Variants in SIPA1L1 observed in about 807,000 individuals in gnomAD.
SIPA1L1 encodes signal induced proliferation associated 1 like 1.
SIPA1L1 carries 26 observed loss-of-function variants against 162.7 expected under a neutral mutation model. That is an observed-to-expected ratio of 0.16 (90% CI 0.12 to 0.22). The LOEUF (loss-of-function observed/expected upper bound fraction) is 0.22, where lower values mean the gene tolerates loss of function less well. Among genes scored for constraint, SIPA1L1 ranks in the 10% least tolerant of loss-of-function variants. The pLI is 1.00. For missense variants in SIPA1L1, 1,874 were observed against 2,241.0 expected (o/e 0.84, Z 3.31); for synonymous variants, 829 against 837.4 (o/e 0.99, Z 0.17).
intron 4 of SIPA1L1, among the ~76,000 whole-genome samples, chr14:71,539,123 T>C (rs1158327412): frequency 1.3e-5 from 2 of 152,174 alleles, no homozygotes; most frequent in African/African-American, 4.8e-5. Context: ...TATAAAGCCA[T>C]GTGGTCTGTT....
intron 13 of SIPA1L1, among the ~76,000 whole-genome samples, chr14:71,690,677 G>A (rs1019139323): frequency 2.6e-5 from 4 of 151,446 alleles, no homozygotes; most frequent in African/African-American, 4.9e-5. Flanking sequence ...TTTTTGTATC[G>A]TCAGCTCTTT....
chr14:71,327,135 T>C (rs1271825064), intron 2 of SIPA1L1, among the ~76,000 whole-genome samples: 1 of 145,560 alleles, frequency 6.9e-6, no homozygotes, highest in Non-Finnish European at 1.5e-5. Flanking sequence ...CAGGCTGGAG[T>C]GCAGTGATGT....
At chr14:71,666,889 A>T (rs1373863356) in intron 10 of SIPA1L1, among the ~76,000 whole-genome samples, 1 of 151,568 alleles carries the variant, frequency 6.6e-6, no homozygotes, top group East Asian at 1.9e-4. Context: ...AAAAAAAAAA[A>T]AGAATTTGCA....
At chr14:71,474,636 G>C (rs2047709416) in intron 2 of SIPA1L1, among the ~76,000 whole-genome samples, 1 of 152,194 alleles carries the variant, frequency 6.6e-6, no homozygotes, top group Non-Finnish European at 1.5e-5. Context: ...CCCTGTCATT[G>C]TTCAGGTGAG....
intron 2 of SIPA1L1, among the ~76,000 whole-genome samples, chr14:71,441,385 G>A (rs906269734): frequency 1.3e-5 from 2 of 152,192 alleles, no homozygotes; most frequent in African/African-American, 4.8e-5. Context: ...CAGCTTCCTA[G>A]TGGCCTCTGT....
At chr14:71,661,645 A>G (rs1006907693) in intron 10 of SIPA1L1, among the ~76,000 whole-genome samples, 178 bp downstream of exon 10, 3 of 152,160 alleles carry the variant, frequency 2.0e-5, no homozygotes, top group African/African-American at 7.2e-5. Context: ...TGGCATTGAC[A>G]TTACCCAAGC....
chr14:71,684,466 C>G (rs1247483876), intron 12 of SIPA1L1, among the ~76,000 whole-genome samples: 1 of 152,268 alleles, frequency 6.6e-6, no homozygotes, highest in African/African-American at 2.4e-5. Context: ...GCCCTTTGGG[C>G]CTGCACTGTC....
intron 19 of SIPA1L1, among the ~76,000 whole-genome samples, chr14:71,729,311 C>T (rs912188300): frequency 1.3e-5 from 2 of 152,214 alleles, no homozygotes; most frequent in Non-Finnish European, 2.9e-5. Context: ...GCTGGGATTA[C>T]AGGCATGAGC....
rs1245910462 is a variant in SIPA1L1, at chr14:71,345,656, C to T, written c.-465+24475C>T. ...TGGCGCGATCTTGGCTCACTGCAAG[C>T]TCTGCCTCCCGAGTTCATGCCATTC... On this transcript the variant is annotated intron_variant, in intron 2 of 23. Coordinates refer to ENST00000381232, the MANE Select transcript of SIPA1L1 (RefSeq NM_001386936.1). 2.7e-5 allele frequency among the ~76,000 whole-genome samples: 4 copies of T among 150,638 alleles called. No homozygotes were observed. In the South Asian group the frequency reaches 8.4e-4, roughly 32 times the overall value.
intron 2 of SIPA1L1, chr14:71,330,293 T>G: frequency 1.4e-6 from 1 of 740,106 alleles, no homozygotes; most frequent in Non-Finnish European, 2.5e-6. Context: ...CTAGTTAGCA[T>G]GTTGTGGGAG....
intron 8 of SIPA1L1, 114 bp from the exon 9 acceptor site, chr14:71,658,219 C>A: frequency 1.6e-6 from 1 of 635,938 alleles, no homozygotes; most frequent in African/African-American, 1.9e-5. Context: ...TGTCTAGAAT[C>A]TTTTCATCCT....
At chr14:71,417,498 A>AAAAAAAAAAAAAAC (rs1157625899) in intron 2 of SIPA1L1, among the ~76,000 whole-genome samples, 2 of 146,492 alleles carry the variant, frequency 1.4e-5, no homozygotes, top group Non-Finnish European at 3.0e-5. Flanking sequence ...AAAAAAAAAA[A>AAAAAAAAAAAAAAC]AAAAAGAAAA....
chr14:71,708,450 A>G (rs1039240894), intron 16 of SIPA1L1, among the ~76,000 whole-genome samples: 2 of 151,476 alleles, frequency 1.3e-5, no homozygotes, highest in Non-Finnish European at 2.9e-5. Context: ...TCAGCCTCCT[A>G]TATAACTGGG....
chr14:71,740,491 A>G lies in SIPA1L1; in HGVS notation c.*1330A>G, dbSNP rs1183271038. On this transcript the variant is annotated 3_prime_UTR_variant, in exon 24 of 24. Coordinates refer to ENST00000381232, the MANE Select transcript of SIPA1L1 (RefSeq NM_001386936.1). Reference sequence around the variant, plus strand: ...TTGTTGCCTTCATAACTGTCACTAAACCGACCCCTCTGCCCTTTCAGTGGC... The same window carrying G: ...TTGTTGCCTTCATAACTGTCACTAAGCCGACCCCTCTGCCCTTTCAGTGGC... The G allele has an allele frequency of 6.6e-6, 1 of 152,096 alleles. No individual in the cohort carries two copies. The highest frequency in any genetic ancestry group is 2.4e-5 in the African/African-American group (1 of 41,388). 9.4% of individuals were successfully genotyped at this position (152,096 alleles called of 1,614,324 possible).
intron 8 of SIPA1L1, among the ~76,000 whole-genome samples, chr14:71,654,077 C>A (rs1360635705): frequency 6.6e-6 from 1 of 152,172 alleles, no homozygotes; most frequent in Admixed American, 6.5e-5. Context: ...TCATCATATT[C>A]ATTTCTTAGT....
intron 2 of SIPA1L1, among the ~76,000 whole-genome samples, chr14:71,445,267 G>A (rs955923404): frequency 6.6e-6 from 1 of 152,146 alleles, no homozygotes; most frequent in African/African-American, 2.4e-5. Context: ...CTGATATGTA[G>A]AGAACTCTCA....
intron 2 of SIPA1L1, among the ~76,000 whole-genome samples, chr14:71,499,240 G>C (rs369491293): frequency 2.6e-5 from 4 of 152,264 alleles, no homozygotes; most frequent in South Asian, 4.1e-4. Context: ...TACCTGGTAG[G>C]GTGAGGTGGG....
rs575621076 is a variant in SIPA1L1, at chr14:71,339,643, C to T, written c.-465+18462C>T. ...CCTGTAAAAGTGCTGGGATTATAGG[C>T]GTGAGCCACCGTGCCAGGCCTATCC... is the stretch of plus-strand genomic sequence containing the variant. On this transcript the variant is annotated intron_variant, in intron 2 of 23. Transcript: ENST00000381232. Among the ~76,000 whole-genome samples, 5 of 152,258 alleles carry T rather than the reference C, an allele frequency of 3.3e-5. No individual in the cohort carries two copies. The East Asian group carries it at 7.7e-4, about 23-fold the overall frequency.
intron 4 of SIPA1L1, among the ~76,000 whole-genome samples, chr14:71,585,226 A>T (rs2147446124): frequency 6.6e-6 from 1 of 152,140 alleles, no homozygotes; most frequent in South Asian, 2.1e-4. Flanking sequence ...GACTGAAAAA[A>T]AATCTGTTAT....
Sources: allele counts gnomAD v4.1 joint callset (sites outside exome capture counted in the v4.1 genomes callset), GRCh38; gene constraint gnomAD v4.1.1; transcripts MANE v1.5; gene names NCBI Gene and HGNC (gene_info 2026-07-23, HGNC 2026-07-21).